ZFP64: variants seen among roughly 807,000 people sequenced by gnomAD.
ZFP64 encodes the protein zinc finger protein 64.
In ZFP64, 14 loss-of-function variants were observed where a neutral mutation model predicts 51.6. The ratio of observed to expected loss-of-function variants is 0.27; its 90% CI spans 0.18 to 0.42. ZFP64 has a LOEUF of 0.42. Ranked by LOEUF, ZFP64 falls within the 10% of genes least tolerant of loss-of-function variation. The pLI is 1.00. For missense variants in ZFP64, 754 were observed against 906.8 expected, an observed-to-expected ratio of 0.83 and a Z score of 2.16; for synonymous variants, 375 against 361.4, an observed-to-expected ratio of 1.04 and a Z score of -0.43.
chr20:52,119,576 A>ACACACACACACACACACACATACATACAC (rs1555802579), intron 5 of ZFP64, among the ~76,000 whole-genome samples: 4 of 132,548 alleles, frequency 3.0e-5, no homozygotes, highest in Admixed American at 7.9e-5. Context: ...ATACACACAC[A>ACACACACACACACACACACATACATACAC]ACACACACAC....
chr20:52,187,443 G>A (rs1256149466), intron 1 of ZFP64, among the ~76,000 whole-genome samples: 1 of 151,956 alleles, frequency 6.6e-6, no homozygotes, highest in Non-Finnish European at 1.5e-5. Context: ...CCAACATGGT[G>A]AAATCCCGTC....
intron 5 of ZFP64, among the ~76,000 whole-genome samples, chr20:52,159,454 A>T (rs1467146368): frequency 6.6e-6 from 1 of 152,224 alleles, no homozygotes; most frequent in Non-Finnish European, 1.5e-5. Context: ...CAACTGAATA[A>T]GTTACAAAGT....
intron 2 of ZFP64, among the ~76,000 whole-genome samples, chr20:52,185,798 G>T (rs1983921287): frequency 6.6e-6 from 1 of 151,156 alleles, no homozygotes; most frequent in Admixed American, 6.6e-5. Flanking sequence ...CCAGGCTGGT[G>T]TAGAACTCCT....
In ZFP64 at chr20:52,160,372, C is replaced by G; in HGVS notation, c.514G>C (p.Asp172His). 1 of 1,609,862 alleles carries G rather than the reference C, an allele frequency of 6.2e-7. No homozygotes were observed. Among genetic ancestry groups the G allele is most frequent in the Middle Eastern group, 1.7e-4 (1 of 6,042 alleles). ...CAGACTTCACACTTATGGGGTTTGT[C>G]TCCTTCAAACACATACACACACAGA... ...MERHLKIHTG[D>H]KPHKCEVCGK... Residue 172 changes from aspartate (D) to histidine (H), a missense_variant and splice_region_variant, in exon 5 of 6, where the codon GAC becomes CAC. Physicochemically the swap from Asp to His is moderately conservative, Grantham distance 81. Coordinates refer to ENST00000216923, the MANE Select transcript of ZFP64 (RefSeq NM_018197.3). This position sits in a 1 kb window ranked among gnomAD's most constrained non-coding sequence, Gnocchi z 4.2.
chr20:52,182,473 CT>C lies in ZFP64; in HGVS notation c.286+4358del, dbSNP rs200685933. The stretch of plus-strand genomic sequence containing the variant: ...GTGGCTCATGCCTGTAATCCCAGCA[CT>C]TTGGGAGCCCAAGATGGGAGGATCA... On this transcript the variant is annotated intron_variant, in intron 2 of 5. Coordinates refer to ENST00000216923, the MANE Select transcript of ZFP64 (RefSeq NM_018197.3). 4.5e-3 allele frequency among the ~76,000 whole-genome samples: 688 copies of C among 152,316 alleles called. 10 individuals carry two copies. Among genetic ancestry groups the C allele is most frequent in the African/African-American group, 0.016 (661 of 41,562 alleles).
chr20:52,165,536 A>C (rs1217132848), intron 3 of ZFP64: 4 of 513,166 alleles, frequency 7.8e-6, no homozygotes. Flanking sequence ...TTTCTGAATA[A>C]ATTAAAACCA....
At chr20:52,141,653 G>A (rs1178360208) in intron 5 of ZFP64, among the ~76,000 whole-genome samples, 1 of 152,148 alleles carries the variant, frequency 6.6e-6, no homozygotes, top group African/African-American at 2.4e-5. Flanking sequence ...TTCTTCTTAT[G>A]GCTGAGCAAA....
At position 52,166,040 on chromosome 20, in the gene ZFP64, G is replaced by A; in HGVS notation, c.287-15C>T. On this transcript the variant is annotated splice_polypyrimidine_tract_variant and intron_variant, in intron 2 of 5. Coordinates refer to ENST00000216923, the MANE Select transcript of ZFP64 (RefSeq NM_018197.3). ...TGGAGCTGAAACTAAAAGATATGGT[G>A]ATTATTAATTTTCTTAATATAAATG... 6.3e-7 allele frequency: 1 copy of A among 1,596,320 alleles called. No individual in the cohort carries two copies. Among genetic ancestry groups the A allele is most frequent in the Non-Finnish European group, 8.5e-7 (1 of 1,174,288 alleles).
chr20:52,106,398 C>T (rs1403456247), intron 5 of ZFP64, among the ~76,000 whole-genome samples: 2 of 152,154 alleles, frequency 1.3e-5, no homozygotes, highest in African/African-American at 2.4e-5. Context: ...CACGTGGGGG[C>T]CCTTGTTTCA....
At chr20:52,126,643 G>A (rs1214800223) in intron 5 of ZFP64, among the ~76,000 whole-genome samples, 1 of 152,200 alleles carries the variant, frequency 6.6e-6, no homozygotes, top group African/African-American at 2.4e-5. Context: ...TTAATCTGAA[G>A]TCTGACTCTC....
intron 2 of ZFP64, among the ~76,000 whole-genome samples, chr20:52,181,605 C>T (rs1212799289): frequency 6.6e-6 from 1 of 152,150 alleles, no homozygotes; most frequent in East Asian, 1.9e-4. Context: ...TGGAAAATGT[C>T]CAGATGAGGA....
chr20:52,127,681 A>G (rs1979512532), intron 5 of ZFP64, among the ~76,000 whole-genome samples: 1 of 152,322 alleles, frequency 6.6e-6, no homozygotes, highest in South Asian at 2.1e-4. Flanking sequence ...GCAGTATGAA[A>G]ATGGATTAAT....
At chr20:52,084,373 A>T in exon 9 of ZFP64, 1 of 609,078 alleles carries the variant, frequency 1.6e-6, no homozygotes, top group South Asian at 2.2e-5. Flanking sequence ...GAGTGTCTCC[A>T]CAGCCCTGCT....
intron 5 of ZFP64, chr20:52,104,983 G>A (rs140544415): frequency 1.1e-6 from 1 of 905,758 alleles, no homozygotes; most frequent in East Asian, 2.7e-5. Context: ...GGGGGGCGGG[G>A]ACGCCCAGGT....
chr20:52,097,606 C>T (rs993737098), intron 6 of ZFP64, among the ~76,000 whole-genome samples: 6 of 152,070 alleles, frequency 3.9e-5, no homozygotes, highest in African/African-American at 1.4e-4. Context: ...AGGCGCCTGC[C>T]ACCACGCCTG....
chr20:52,152,358 T>C lies in ZFP64; in HGVS notation c.1834A>G (p.Thr612Ala), dbSNP rs1980886996. 1 of 1,614,160 alleles carries C rather than the reference T, an allele frequency of 6.2e-7. No homozygotes were observed. The highest frequency in any genetic ancestry group is 8.5e-7 in the Non-Finnish European group (1 of 1,180,036). The change falls in exon 6 of 6, where the codon ACT becomes GCT. Residue 612 changes from threonine (T) to alanine (A), a missense_variant. This residue lies in a region of ZFP64 where 428 missense variants were observed against 472.4 expected (regional missense o/e 0.91). Coordinates refer to ENST00000216923, the MANE Select transcript of ZFP64 (RefSeq NM_018197.3). ...TFITSSGITC[T>A]DFEGLNALIQ... is the part of the protein sequence containing the mutation. ...AAGGCGTTTAGGCCTTCAAAGTCAGTGCAAGTAATACCCGAACTGGTAATG... is the reference window on the plus strand; with the variant it reads ...AAGGCGTTTAGGCCTTCAAAGTCAGCGCAAGTAATACCCGAACTGGTAATG...
chr20:52,153,345 C>T lies in ZFP64; in HGVS notation c.847G>A (p.Gly283Arg). 1 of 1,614,182 alleles carries T rather than the reference C, an allele frequency of 6.2e-7. No homozygotes were observed. The highest frequency in any genetic ancestry group is 8.5e-7 in the Non-Finnish European group (1 of 1,180,052). ...DLKRHMRVHS[G>R]EKPFKCEFCN... is the part of the protein sequence containing the mutation. ...AACTCGCACTTGAAAGGCTTCTCCC[C>T]CGAGTGCACCCGCATGTGCCTTTTC... Residue 283 changes from glycine to arginine, a missense_variant, in exon 6 of 6, where the codon GGG (glycine) becomes AGG (arginine). Physicochemically the swap from Gly to Arg is moderately radical, Grantham distance 125. This residue lies in a region of ZFP64 where 231 missense variants were observed against 336.7 expected (regional missense o/e 0.69). Transcript: ENST00000216923. The surrounding 1 kb of genome is among the most constrained non-coding windows in gnomAD (Gnocchi z 5.1).
At chr20:52,154,439 G>A (rs1981140890) in intron 5 of ZFP64, among the ~76,000 whole-genome samples, 1 of 152,150 alleles carries the variant, frequency 6.6e-6, no homozygotes, top group Admixed American at 6.5e-5. Context: ...TTCCAATCCA[G>A]GCTGACTCCA....
At chr20:52,116,479 T>C (rs991902791) in intron 5 of ZFP64, among the ~76,000 whole-genome samples, 1 of 151,590 alleles carries the variant, frequency 6.6e-6, no homozygotes, top group African/African-American at 2.4e-5. Flanking sequence ...ATAAGGAATG[T>C]ATTCATATAC....
Sources: allele counts gnomAD v4.1 joint callset (sites outside exome capture counted in the v4.1 genomes callset), GRCh38; gene constraint gnomAD v4.1.1; regional missense constraint gnomAD v4.1.1; non-coding constraint Gnocchi (gnomAD v3.1); transcripts MANE v1.5; gene names NCBI Gene and HGNC (gene_info 2026-07-23, HGNC 2026-07-21).